The following AMZ2 variants were observed in gnomAD, a reference collection of about 807,000 sequenced individuals.
AMZ2 encodes archaelysin family metallopeptidase 2, also known as archaemetzincin-2.
In AMZ2, 26 loss-of-function variants were observed where a neutral mutation model predicts 36.7. That is an observed-to-expected ratio of 0.71 (90% confidence interval 0.52 to 0.98). AMZ2 has a LOEUF of 0.98. Ranked by LOEUF, AMZ2 falls within the 50% of genes least tolerant of loss-of-function variation. The pLI is 0.00. For missense variants in AMZ2, 394 were observed against 430.5 expected (o/e 0.92, Z 0.75); for synonymous variants, 144 against 149.1 (o/e 0.97, Z 0.25).
intron 4 of AMZ2, among the ~76,000 whole-genome samples, chr17:68,253,958 T>C (rs1555741251): frequency 6.6e-6 from 1 of 152,104 alleles, no homozygotes; most frequent in African/African-American, 2.4e-5. Context: ...TTAGCCAGGC[T>C]GGTCTTGAGC....
intron 1 of AMZ2, among the ~76,000 whole-genome samples, chr17:68,241,376 T>C (rs1367186080): frequency 2.0e-5 from 3 of 152,220 alleles, no homozygotes; most frequent in Non-Finnish European, 4.4e-5. Flanking sequence ...ATTATCATAA[T>C]GTAAACACTG....
chr17:68,248,711 T>C lies in AMZ2; in HGVS notation c.-1+6T>C. 1.0e-6 allele frequency: 1 copy of C among 987,358 alleles called. No individual in the cohort carries two copies. The highest frequency in any genetic ancestry group is 4.7e-5 in the South Asian group (1 of 21,306). 61.2% of individuals were successfully genotyped at this position (987,358 alleles called of 1,614,324 possible). ...AGCCTTCCTTCCTAATCAAGGTAGGTAGACTACAGGAAGGTACATCTTGTT... is the reference window on the plus strand; with the variant it reads ...AGCCTTCCTTCCTAATCAAGGTAGGCAGACTACAGGAAGGTACATCTTGTT... On this transcript the variant is annotated splice_donor_region_variant and intron_variant, in intron 1 of 6. Coordinates refer to ENST00000359904, the MANE Select transcript of AMZ2 (RefSeq NM_016627.5).
intron 6 of AMZ2, 132 bp downstream of exon 6, chr17:68,256,008 C>T (rs1555742740): frequency 4.9e-6 from 5 of 1,027,540 alleles, no homozygotes; most frequent in South Asian, 2.1e-5. Flanking sequence ...CAGGAAGCTG[C>T]GGTTTAAAAA....
chr17:68,207,085 AT>A (rs1168139639), intron 1 of AMZ2: 2 of 152,252 alleles, frequency 1.3e-5, no homozygotes, highest in Non-Finnish European at 2.9e-5. Flanking sequence ...TGCAGAAGAT[AT>A]GTAGTTGATC....
Position 68,223,806 on chromosome 17 carries a change from C to G in AMZ2, c.-67+17568C>G, listed in dbSNP as rs1229505066. Among the ~76,000 whole-genome samples the G allele has an allele frequency of 8.0e-4, 121 of 152,032 alleles. 1 individual carries two copies. The highest frequency in any genetic ancestry group is 6.8e-4 in the Non-Finnish European group (46 of 68,010). Reference sequence around the variant, plus strand: ...TCTTCGCTCACTGCAACTTCTGCCTCCTGGTTTCAAGTGATTCTCCTGCCT... The same window carrying G: ...TCTTCGCTCACTGCAACTTCTGCCTGCTGGTTTCAAGTGATTCTCCTGCCT... On this transcript the variant is annotated intron_variant, in intron 1 of 7. Transcript: ENST00000674770.
At chr17:68,244,715 A>G (rs1555734827), upstream of AMZ2, among the ~76,000 whole-genome samples, 2 of 152,258 alleles carry the variant, frequency 1.3e-5, no homozygotes, top group Non-Finnish European at 2.9e-5. Flanking sequence ...AATCTGGGTG[A>G]AGAGAATGCA....
chr17:68,208,458 A>C (rs1177323340), intron 1 of AMZ2, among the ~76,000 whole-genome samples: 2 of 152,196 alleles, frequency 1.3e-5, no homozygotes, highest in Non-Finnish European at 2.9e-5. Flanking sequence ...GGGGAGGTGG[A>C]GAACCTTTGT....
intron 4 of AMZ2, among the ~76,000 whole-genome samples, chr17:68,252,393 G>A (rs2074551126): frequency 6.6e-6 from 1 of 152,136 alleles, no homozygotes; most frequent in Admixed American, 6.5e-5. Flanking sequence ...TTGGAGACGT[G>A]GGTCACTACT....
At chr17:68,227,982 G>A (rs1250805102) in intron 1 of AMZ2, among the ~76,000 whole-genome samples, 3 of 152,070 alleles carry the variant, frequency 2.0e-5, no homozygotes, top group Non-Finnish European at 2.9e-5. Flanking sequence ...ATATATTTTG[G>A]GGAGGGAGAC....
chr17:68,237,908 G>A (rs1411328600), intron 1 of AMZ2, among the ~76,000 whole-genome samples: 4 of 152,208 alleles, frequency 2.6e-5, no homozygotes, highest in African/African-American at 7.2e-5. Flanking sequence ...CACAGAGGAC[G>A]TCTTCAGTAT....
intron 1 of AMZ2, among the ~76,000 whole-genome samples, chr17:68,222,933 T>G (rs112577730): frequency 1.1e-3 from 164 of 152,046 alleles, no homozygotes; most frequent in African/African-American, 3.6e-3. Flanking sequence ...GGAACTGACT[T>G]CCTAGAGTCA....
chr17:68,233,529 G>A lies in AMZ2; in HGVS notation c.-66-15111G>A, dbSNP rs75730165. Among the ~76,000 whole-genome samples, 214 of 100,256 alleles carry A rather than the reference G, an allele frequency of 2.1e-3. 8 individuals carry two copies. Among genetic ancestry groups the A allele is most frequent in the East Asian group, 5.4e-3 (13 of 2,390 alleles). The allele number at this position is 100,256 out of a possible 152,430, so 65.8% of individuals were successfully genotyped here. ...GTCTCAAAAAAAAAAAAAAAAAAAA[G>A]AGAGAAATTGTCTTCCCCTGCCTCC... On this transcript the variant is annotated intron_variant, in intron 1 of 7. Coordinates refer to the AMZ2 transcript ENST00000674770.
chr17:68,217,032 CAAA>C (rs11284875), intron 1 of AMZ2, among the ~76,000 whole-genome samples: 9 of 95,634 alleles, frequency 9.4e-5, no homozygotes, highest in African/African-American at 1.7e-4. Context: ...GACTCCGTCT[CAAA>C]AAAAAAAAAA....
intron 4 of AMZ2, among the ~76,000 whole-genome samples, chr17:68,253,779 G>A (rs769400424): frequency 3.8e-5 from 5 of 131,788 alleles, no homozygotes; most frequent in Admixed American, 1.6e-4. Flanking sequence ...TTTTGAGACT[G>A]AGTATCACTC....
At chr17:68,233,271 G>A (rs2073707981) in intron 1 of AMZ2, among the ~76,000 whole-genome samples, 1 of 152,210 alleles carries the variant, frequency 6.6e-6, no homozygotes, top group Non-Finnish European at 1.5e-5. Context: ...CACTTTGGGA[G>A]GCTGAGGCAA....
chr17:68,212,188 T>C (rs1231422034), intron 1 of AMZ2, among the ~76,000 whole-genome samples: 2 of 152,124 alleles, frequency 1.3e-5, no homozygotes, highest in Non-Finnish European at 2.9e-5. Flanking sequence ...CTGGGCAACA[T>C]ATCGACACCC....
chr17:68,221,209 T>TCCCCCCCCCCCC lies in AMZ2; in HGVS notation c.-67+14980_-67+14981insCCCCCCCCCCCC, dbSNP rs55937321. Among the ~76,000 whole-genome samples the TCCCCCCCCCCCC allele has an allele frequency of 7.5e-4, 50 of 66,772 alleles. 2 individuals are homozygous for TCCCCCCCCCCCC. The highest frequency in any genetic ancestry group is 7.8e-4 in the Non-Finnish European group (29 of 37,360). 43.8% of individuals were successfully genotyped at this position (66,772 alleles called of 152,430 possible). On this transcript the variant is annotated intron_variant, in intron 1 of 7. Transcript: ENST00000674770. ...TGATCTTCCTGCCTCAGCCCTCAGC[T>TCCCCCCCCCCCC]CCCCCCCCCGCCCCCCCGGTAGCTA...
At chr17:68,247,840 C>A (rs1332391890), upstream of AMZ2, 279 of 985,526 alleles carry the variant, frequency 2.8e-4, no homozygotes, top group Non-Finnish European at 3.3e-4. Flanking sequence ...ACAGCTGGGG[C>A]TTGTAGTCCC....
upstream of AMZ2, chr17:68,247,725 TC>T (rs2074091180): frequency 1.0e-6 from 1 of 985,358 alleles, no homozygotes; most frequent in Non-Finnish European, 1.2e-6. Context: ...CCGAGGACGT[TC>T]CCACACGGGA....
Sources: gnomAD v4.1 joint callset for allele counts (sites outside exome capture counted in the v4.1 genomes callset) on GRCh38, gnomAD v4.1.1 for gene constraint, MANE v1.5 for transcripts, NCBI Gene and HGNC (gene_info 2026-07-23, HGNC 2026-07-21) for gene names.